TRPM1: variants seen among roughly 807,000 people sequenced by gnomAD.
TRPM1 encodes the protein transient receptor potential cation channel subfamily M member 1.
In TRPM1, 113 loss-of-function variants were observed where a neutral mutation model predicts 149.4. That is an observed-to-expected ratio of 0.76 (90% CI 0.65 to 0.88). TRPM1 has a LOEUF of 0.88. Among genes scored for constraint, TRPM1 ranks in the 40% least tolerant of loss-of-function variants. The pLI, the probability that TRPM1 is intolerant of heterozygous loss-of-function variation, is 0.00. For synonymous variants in TRPM1, 741 were observed against 759.5 expected, an observed-to-expected ratio of 0.98 and a Z score of 0.40; for missense variants, 1,976 against 2,038.7, an observed-to-expected ratio of 0.97 and a Z score of 0.59.
At chr15:31,100,157 G>T (rs2035482249) in intron 1 of TRPM1, among the ~76,000 whole-genome samples, 1 of 150,130 alleles carries the variant, frequency 6.7e-6, no homozygotes, top group Non-Finnish European at 1.5e-5. Flanking sequence ...TCGGCTCACT[G>T]CAACCTCCAC....
chr15:31,071,276 G>A (rs936104934), intron 3 of TRPM1, among the ~76,000 whole-genome samples: 2 of 152,196 alleles, frequency 1.3e-5, no homozygotes, highest in Non-Finnish European at 2.9e-5. Context: ...CATGGAGGGA[G>A]GTCTGTTCCT....
rs772011426 is a variant in TRPM1 at position 31,062,572 on chromosome 15, CACTT to C, written c.1089+3_1089+6del. The C allele has an allele frequency of 6.8e-6, 11 of 1,614,066 alleles. No homozygotes were observed. The highest frequency in any genetic ancestry group is 2.2e-5 in the East Asian group (1 of 44,888). ...AGCTTGTTTGGAAATAAATTCAAGA[CACTT>C]ACGAGTTCTTTCTTCTTCATGCACT... On this transcript the variant is annotated splice_donor_5th_base_variant and intron_variant, in intron 9 of 27. Transcript: ENST00000256552.
chr15:31,149,778 C>G (rs1201187648), intron 1 of TRPM1, among the ~76,000 whole-genome samples: 1 of 152,188 alleles, frequency 6.6e-6, no homozygotes, highest in Non-Finnish European at 1.5e-5. Context: ...CTTGGCCTCC[C>G]AAAGTGCTGG....
rs762642058 is a variant in TRPM1 at position 31,070,438 on chromosome 15, G to A, written c.84-212C>T. 41 of 705,456 alleles carry A rather than the reference G, an allele frequency of 5.8e-5. 1 individual carries two copies. The highest frequency in any genetic ancestry group is 2.3e-4 in the Middle Eastern group (1 of 4,358). The allele number at this position is 705,456 out of a possible 1,614,324, so 43.7% of individuals were successfully genotyped here. A position where few individuals can be genotyped will look rare whatever the true frequency, so the allele number is the denominator to read the frequency against. On this transcript the variant is annotated intron_variant, in intron 3 of 27. Transcript: ENST00000256552. ...TCTCTTTATATGCCAGTCGATTTTA[G>A]ACACATTGGATGGTTGCTCTTTCGG... is the stretch of plus-strand genomic sequence containing the variant.
chr15:31,035,995 T>G, intron 20 of TRPM1: 2 of 399,954 alleles, frequency 5.0e-6, no homozygotes, highest in Non-Finnish European at 9.5e-6. Context: ...TTTAATAGTT[T>G]GCTGGAGTGT....
chr15:31,127,785 G>A (rs777564307), intron 1 of TRPM1, among the ~76,000 whole-genome samples: 5 of 152,174 alleles, frequency 3.3e-5, no homozygotes, highest in African/African-American at 4.8e-5. Context: ...ACTGTGAAAC[G>A]AGGGCAGCCA....
At chr15:31,132,250 AC>A (rs1203627859) in intron 1 of TRPM1, among the ~76,000 whole-genome samples, 5 of 151,756 alleles carry the variant, frequency 3.3e-5, no homozygotes, top group Admixed American at 6.6e-5. Flanking sequence ...TCTTTCTTGC[AC>A]CTCCCGACTG....
At chr15:31,090,992 G>A (rs1460159443) in intron 1 of TRPM1, among the ~76,000 whole-genome samples, 1 of 152,230 alleles carries the variant, frequency 6.6e-6, no homozygotes, top group African/African-American at 2.4e-5. Context: ...CAAGCCCAAT[G>A]TCTAGCAGCG....
rs768474439 is a variant in TRPM1 at position 31,032,761 on chromosome 15, C to T, written c.2880G>A (p.Trp960Ter). 6.2e-7 allele frequency: 1 copy of T among 1,614,142 alleles called. No homozygotes were observed. Among genetic ancestry groups the T allele is most frequent in the South Asian group, 1.1e-5 (1 of 91,076 alleles). ...CAAAGATGTCCAGGACACGGATGTA[C>T]CAGAAGATGATATCCACACAGTAGA... ...RVIYCVDIIF[W>*]YIRVLDIFGV... The change falls in exon 22 of 28, where the codon TGG becomes TGA. Residue 960 changes from tryptophan (W) to a stop codon, truncating the protein, a stop_gained. Transcript: ENST00000256552. LOFTEE classifies it high-confidence loss of function.
chr15:31,113,506 G>A (rs117240482), intron 1 of TRPM1, among the ~76,000 whole-genome samples: 13 of 151,850 alleles, frequency 8.6e-5, no homozygotes, highest in African/African-American at 2.2e-4. Flanking sequence ...CAGTGACTGA[G>A]AATTTTCCAA....
chr15:31,023,700 G>T (rs2032625065), intron 27 of TRPM1, among the ~76,000 whole-genome samples: 1 of 152,196 alleles, frequency 6.6e-6, no homozygotes, highest in South Asian at 2.1e-4. Flanking sequence ...TGAGCTTAAT[G>T]GCGATGCCAT....
intron 27 of TRPM1, among the ~76,000 whole-genome samples, chr15:31,007,673 A>G (rs531817898): frequency 5.3e-5 from 8 of 152,130 alleles, no homozygotes; most frequent in Admixed American, 3.3e-4. Flanking sequence ...AACAACAACA[A>G]CAACAACAAC....
intron 1 of TRPM1, among the ~76,000 whole-genome samples, chr15:31,153,323 G>A (rs754326197): frequency 1.3e-5 from 2 of 152,142 alleles, no homozygotes; most frequent in Admixed American, 1.3e-4. Flanking sequence ...CCTTTCTATG[G>A]ATTTCAGGTC....
intron 1 of TRPM1, among the ~76,000 whole-genome samples, chr15:31,152,157 T>A (rs2036311333): frequency 6.6e-6 from 1 of 152,186 alleles, no homozygotes; most frequent in Admixed American, 6.5e-5. Flanking sequence ...CTTGAACCCA[T>A]CACTCAGGCC....
chr15:31,088,705 C>T (rs1351638569), intron 1 of TRPM1, among the ~76,000 whole-genome samples: 5 of 151,916 alleles, frequency 3.3e-5, no homozygotes, highest in Admixed American at 1.3e-4. Context: ...ATTTGGGGGC[C>T]GTCGTATGAG....
At chr15:31,108,338 G>C (rs893260401) in intron 1 of TRPM1, among the ~76,000 whole-genome samples, 2 of 152,140 alleles carry the variant, frequency 1.3e-5, no homozygotes, top group Non-Finnish European at 2.9e-5. Flanking sequence ...GTTGGGTGTA[G>C]TATACTCTTA....
chr15:31,034,586 G>C (rs12904035), intron 21 of TRPM1, among the ~76,000 whole-genome samples: 2 of 152,136 alleles, frequency 1.3e-5, no homozygotes, highest in Admixed American at 6.5e-5. Flanking sequence ...CAAGGACAGG[G>C]TCCACCTGAA....
At chr15:31,030,599 A>T (rs1192058747) in intron 23 of TRPM1, among the ~76,000 whole-genome samples, 1 of 152,180 alleles carries the variant, frequency 6.6e-6, no homozygotes, top group East Asian at 1.9e-4. Context: ...TAAGAAGAGG[A>T]TGGTGGGAAG....
intron 1 of TRPM1, among the ~76,000 whole-genome samples, chr15:31,113,248 G>T (rs200589282): frequency 3.9e-5 from 6 of 152,142 alleles, no homozygotes; most frequent in Admixed American, 3.3e-4. Flanking sequence ...AAGAAAGGGA[G>T]GGCTCCACAG....
Sources: gnomAD v4.1 joint callset for allele counts (sites outside exome capture counted in the v4.1 genomes callset) on GRCh38, gnomAD v4.1.1 for gene constraint, MANE v1.5 for transcripts, NCBI Gene and HGNC (gene_info 2026-07-23, HGNC 2026-07-21) for gene names.